The following ST3GAL3 variants were observed in gnomAD, a reference collection of about 807,000 sequenced individuals.
ST3GAL3 encodes CMP-N-acetylneuraminate-beta-1,4-galactoside alpha-2,3-sialyltransferase.
Under a neutral mutation model 50.1 loss-of-function variants are expected in ST3GAL3, and 21 were observed. That is an observed-to-expected ratio of 0.42 (90% CI 0.30 to 0.60). The LOEUF is 0.60. ST3GAL3 is among the 20% of genes least tolerant of loss of function. The pLI, the probability that ST3GAL3 is intolerant of heterozygous loss-of-function variation, is 0.19. For missense variants in ST3GAL3, 353 were observed against 489.4 expected (o/e 0.72, Z 2.63); for synonymous variants, 183 against 190.0 (o/e 0.96, Z 0.30).
chr1:43,744,833 A>G (rs1306075295), intron 2 of ST3GAL3, among the ~76,000 whole-genome samples: 1 of 151,426 alleles, frequency 6.6e-6, no homozygotes, highest in Admixed American at 6.6e-5. Context: ...ACTAATAATA[A>G]TACAAAAATT....
chr1:43,875,297 G>A (rs777680849), intron 5 of ST3GAL3, among the ~76,000 whole-genome samples: 1 of 152,156 alleles, frequency 6.6e-6, no homozygotes, highest in Non-Finnish European at 1.5e-5. Flanking sequence ...GAGTGAGCTT[G>A]AGACTGACAT....
chr1:43,813,378 G>C (rs3791061), intron 3 of ST3GAL3, among the ~76,000 whole-genome samples: 104 of 152,136 alleles, frequency 6.8e-4, no homozygotes, highest in African/African-American at 2.5e-3. Flanking sequence ...TGTATTTTTC[G>C]TTTTATTTTA....
At chr1:43,760,660 G>A (rs1050900603) in intron 2 of ST3GAL3, among the ~76,000 whole-genome samples, 2 of 152,144 alleles carry the variant, frequency 1.3e-5, no homozygotes, top group South Asian at 2.1e-4. Context: ...GGAGGCTGAG[G>A]CAGGAGAATC....
At chr1:43,898,768 CT>C (rs1320510742) in intron 7 of ST3GAL3, among the ~76,000 whole-genome samples, 1 of 152,166 alleles carries the variant, frequency 6.6e-6, no homozygotes, top group African/African-American at 2.4e-5. Flanking sequence ...TCCCGTTCCC[CT>C]TTTCTTGCTT....
intron 1 of ST3GAL3, among the ~76,000 whole-genome samples, chr1:43,716,133 A>C (rs148421482): frequency 3.9e-5 from 6 of 152,298 alleles, no homozygotes; most frequent in African/African-American, 1.4e-4. Context: ...AAAAACAGCT[A>C]GTTTCTAGCC....
At chr1:43,787,337 A>G (rs1236730522) in intron 2 of ST3GAL3, among the ~76,000 whole-genome samples, 1 of 152,242 alleles carries the variant, frequency 6.6e-6, no homozygotes, top group Non-Finnish European at 1.5e-5. Flanking sequence ...TTGCAAAGCA[A>G]ACTTCTCAAT....
intron 1 of ST3GAL3, among the ~76,000 whole-genome samples, chr1:43,729,784 A>G (rs1311397691): frequency 6.6e-6 from 1 of 152,270 alleles, no homozygotes; most frequent in Non-Finnish European, 1.5e-5. Flanking sequence ...GTTACGTTAC[A>G]AATAGTGCTA....
intron 5 of ST3GAL3, among the ~76,000 whole-genome samples, chr1:43,881,486 G>A (rs1570572344): frequency 6.6e-6 from 1 of 152,222 alleles, no homozygotes; most frequent in South Asian, 2.1e-4. Context: ...CCTGAGGCAG[G>A]GGCGCCTGCC....
chr1:43,822,165 G>A (rs535535304), intron 4 of ST3GAL3, among the ~76,000 whole-genome samples: 8 of 152,272 alleles, frequency 5.3e-5, no homozygotes, highest in Admixed American at 2.0e-4. Context: ...GGAAATCTCA[G>A]TCTCCATTAT....
intron 5 of ST3GAL3, among the ~76,000 whole-genome samples, chr1:43,885,059 C>T (rs2075748942): frequency 6.6e-6 from 1 of 152,224 alleles, no homozygotes; most frequent in Admixed American, 6.5e-5. Context: ...TGAGGACATT[C>T]ACCTTATACG....
At chr1:43,758,537 C>G (rs1253869485) in intron 2 of ST3GAL3, among the ~76,000 whole-genome samples, 2 of 152,138 alleles carry the variant, frequency 1.3e-5, no homozygotes, top group Non-Finnish European at 2.9e-5. Flanking sequence ...CAGGCATCAG[C>G]CACCGCACCT....
At chr1:43,791,260 TTAAA>T (rs1271861097) in intron 2 of ST3GAL3, among the ~76,000 whole-genome samples, 2 of 152,248 alleles carry the variant, frequency 1.3e-5, no homozygotes, top group Non-Finnish European at 2.9e-5. Context: ...CAGTTTCTAG[TTAAA>T]TAGTTTGTTC....
At chr1:43,820,039 T>G (rs903213222) in intron 4 of ST3GAL3, among the ~76,000 whole-genome samples, 1 of 152,132 alleles carries the variant, frequency 6.6e-6, no homozygotes, top group Non-Finnish European at 1.5e-5. Flanking sequence ...GCTGGAGGTA[T>G]CACATTACTA....
At chr1:43,838,698 C>A (rs948538371) in intron 5 of ST3GAL3, 1 of 289,078 alleles carries the variant, frequency 3.5e-6, no homozygotes, top group Non-Finnish European at 6.9e-6. Flanking sequence ...GGAGGCATAT[C>A]CAAATAAAGC....
intron 5 of ST3GAL3, among the ~76,000 whole-genome samples, chr1:43,890,353 A>G (rs1009924170): frequency 1.3e-5 from 2 of 152,006 alleles, no homozygotes; most frequent in Admixed American, 6.6e-5. Flanking sequence ...TGGGGGTGGC[A>G]TGGTTGACAG....
At chr1:43,901,879 G>A (rs2078333644) in intron 9 of ST3GAL3, among the ~76,000 whole-genome samples, 1 of 152,260 alleles carries the variant, frequency 6.6e-6, no homozygotes, top group South Asian at 2.1e-4. Flanking sequence ...TGGCTCCAAA[G>A]TGAAAGATAA....
At chr1:43,909,825 C>T (rs147681860) in intron 9 of ST3GAL3, among the ~76,000 whole-genome samples, 1 of 152,258 alleles carries the variant, frequency 6.6e-6, no homozygotes, top group African/African-American at 2.4e-5. Flanking sequence ...AGATAATGGA[C>T]AGGAAACTGA....
chr1:43,894,515 C>T (rs773975746), intron 6 of ST3GAL3, 38 bp downstream of exon 6: 2 of 1,570,270 alleles, frequency 1.3e-6, no homozygotes, highest in Non-Finnish European at 8.8e-7. Context: ...ACATCTCATC[C>T]CCCCGACTGT....
intron 1 of ST3GAL3, among the ~76,000 whole-genome samples, chr1:43,712,680 A>C (rs912233711): frequency 6.6e-6 from 1 of 152,244 alleles, no homozygotes; most frequent in African/African-American, 2.4e-5. Flanking sequence ...GGAAGTTCAC[A>C]TCTGACCTAC....
Sources: allele counts gnomAD v4.1 joint callset (sites outside exome capture counted in the v4.1 genomes callset), GRCh38; gene constraint gnomAD v4.1.1; transcripts MANE v1.5; gene names NCBI Gene and HGNC (gene_info 2026-07-23, HGNC 2026-07-21).